The following SYT14 variants were observed in gnomAD, a reference collection of about 807,000 sequenced individuals.
The protein encoded by SYT14 is synaptotagmin 14.
In SYT14, 32 loss-of-function variants were observed where a neutral mutation model predicts 74.2. That is an observed-to-expected ratio of 0.43 (90% CI 0.33 to 0.58). The LOEUF is 0.58. Among genes scored for constraint, SYT14 ranks in the 20% least tolerant of loss-of-function variants. The pLI, the probability that SYT14 is intolerant of heterozygous loss-of-function variation, is 0.05. For missense variants in SYT14, 791 were observed against 981.8 expected (o/e 0.81, Z 2.60); for synonymous variants, 298 against 337.7 (o/e 0.88, Z 1.29).
chr1:209,950,306 T>G (rs1572055803), intron 1 of SYT14, among the ~76,000 whole-genome samples: 1 of 152,178 alleles, frequency 6.6e-6, no homozygotes, highest in East Asian at 1.9e-4. Context: ...ATTAATACAT[T>G]ATAGTTATGT....
chr1:210,156,845 AC>A, intron 8 of SYT14: 1 of 388,074 alleles, frequency 2.6e-6, no homozygotes, highest in Non-Finnish European at 5.4e-6. Flanking sequence ...GGCACCCACC[AC>A]CACACCTAGC....
chr1:210,005,601 G>A (rs963837690), intron 2 of SYT14, among the ~76,000 whole-genome samples: 1 of 151,938 alleles, frequency 6.6e-6, no homozygotes, highest in African/African-American at 2.4e-5. Context: ...GAAAAAAATT[G>A]AGACAATTCG....
intron 2 of SYT14, among the ~76,000 whole-genome samples, chr1:209,967,564 G>C (rs1288004117): frequency 2.0e-5 from 3 of 151,952 alleles, no homozygotes; most frequent in African/African-American, 7.2e-5. Context: ...CAGGGAATTT[G>C]TTCATTTCAT....
At chr1:210,006,631 A>C (rs1239427796) in intron 2 of SYT14, among the ~76,000 whole-genome samples, 1 of 151,974 alleles carries the variant, frequency 6.6e-6, no homozygotes, top group Non-Finnish European at 1.5e-5. Context: ...ACAAATCAGC[A>C]ATACATCCCT....
At chr1:210,031,267 G>A (rs2080528596) in intron 5 of SYT14, among the ~76,000 whole-genome samples, 1 of 151,964 alleles carries the variant, frequency 6.6e-6, no homozygotes, top group Admixed American at 6.6e-5. Context: ...GAACCAGCCT[G>A]GCATACCTGG....
intron 1 of SYT14, among the ~76,000 whole-genome samples, 185 bp from the exon 2 acceptor site, chr1:209,952,524 T>A (rs990261364): frequency 2.0e-5 from 3 of 152,216 alleles, no homozygotes; most frequent in Non-Finnish European, 4.4e-5. Flanking sequence ...TAAGACCTAA[T>A]TTCTGGGTTG....
chr1:209,939,184 GA>G (rs1034090079), intron 1 of SYT14, among the ~76,000 whole-genome samples: 1 of 152,188 alleles, frequency 6.6e-6, no homozygotes, highest in African/African-American at 2.4e-5. Context: ...ATATTTATGT[GA>G]AAGATTACAT....
intron 4 of SYT14, among the ~76,000 whole-genome samples, chr1:210,018,722 C>T (rs898649064): frequency 3.9e-5 from 6 of 152,252 alleles, no homozygotes; most frequent in African/African-American, 7.2e-5. Flanking sequence ...AACTTATACA[C>T]GCAATGTTCC....
intron 2 of SYT14, among the ~76,000 whole-genome samples, chr1:210,010,706 G>A (rs950410841): frequency 2.6e-5 from 4 of 152,212 alleles, no homozygotes; most frequent in Admixed American, 1.3e-4. Flanking sequence ...AAAGAGGAAC[G>A]TAGAAATAAG....
intron 1 of SYT14, among the ~76,000 whole-genome samples, chr1:209,951,298 T>C (rs868818481): frequency 6.6e-6 from 1 of 152,106 alleles, no homozygotes; most frequent in Non-Finnish European, 1.5e-5. Flanking sequence ...ATTCCCTTCT[T>C]CTCTCCCACC....
intron 7 of SYT14, among the ~76,000 whole-genome samples, chr1:210,135,175 T>A (rs1314949163): frequency 2.0e-5 from 3 of 152,086 alleles, no homozygotes; most frequent in African/African-American, 7.2e-5. Context: ...AGAGACAGGG[T>A]TTTGCCATGT....
intron 5 of SYT14, among the ~76,000 whole-genome samples, chr1:210,065,229 C>G (rs1317039042): frequency 6.6e-6 from 1 of 152,066 alleles, no homozygotes; most frequent in Non-Finnish European, 1.5e-5. Context: ...CCACCCAAAT[C>G]TCATCTTGAA....
In SYT14 at chr1:210,045,824, A is replaced by G. The variant is rs149523812; in HGVS notation, c.1312+24570A>G. Among the ~76,000 whole-genome samples, 23 of 152,260 alleles carry G rather than the reference A, an allele frequency of 1.5e-4. No homozygotes were observed. In the East Asian group the frequency reaches 1.9e-3, roughly 13 times the overall value. On this transcript the variant is annotated intron_variant, in intron 5 of 9. Coordinates refer to ENST00000637265, the Ensembl canonical transcript of SYT14. ...TTTCTATTCTAGGTATAATATTTTT[A>G]TGTCACTTTAGAACTTCTAAATCTT...
At chr1:210,017,986 C>T (rs2080220683) in intron 4 of SYT14, among the ~76,000 whole-genome samples, 2 of 152,306 alleles carry the variant, frequency 1.3e-5, no homozygotes, top group Admixed American at 1.3e-4. Context: ...TCTGCTACGA[C>T]TACATACATA....
intron 1 of SYT14, among the ~76,000 whole-genome samples, chr1:209,943,562 G>A (rs1245548464): frequency 1.3e-5 from 2 of 150,702 alleles, no homozygotes; most frequent in Non-Finnish European, 1.5e-5. Context: ...GCATGCCAAT[G>A]GGGAAAGCAG....
At chr1:210,037,855 C>A (rs1276875960) in intron 5 of SYT14, among the ~76,000 whole-genome samples, 2 of 151,852 alleles carry the variant, frequency 1.3e-5, no homozygotes, top group South Asian at 4.1e-4. Context: ...TTGTGGCCTA[C>A]TATATGGTCT....
At chr1:210,067,567 C>T (rs181501370) in intron 5 of SYT14, among the ~76,000 whole-genome samples, 1 of 152,016 alleles carries the variant, frequency 6.6e-6, no homozygotes, top group East Asian at 1.9e-4. Flanking sequence ...GGACTTGAAA[C>T]ATTATATAGA....
chr1:210,074,793 G>T (rs1482590109), intron 5 of SYT14, among the ~76,000 whole-genome samples: 2 of 152,184 alleles, frequency 1.3e-5, no homozygotes, highest in Non-Finnish European at 2.9e-5. Context: ...CAGGCTGTGG[G>T]GCTCTGACCC....
At chr1:210,109,689 C>A (rs1157695679) in intron 7 of SYT14, among the ~76,000 whole-genome samples, 1 of 152,048 alleles carries the variant, frequency 6.6e-6, no homozygotes, top group Non-Finnish European at 1.5e-5. Context: ...ATTAGTTCAG[C>A]CATTGTGGAA....
Sources: allele counts gnomAD v4.1 joint callset (sites outside exome capture counted in the v4.1 genomes callset), GRCh38; gene constraint gnomAD v4.1.1; transcripts MANE v1.5; gene names NCBI Gene and HGNC (gene_info 2026-07-23, HGNC 2026-07-21).